Variants in CCAR1 observed in about 807,000 individuals in gnomAD.
CCAR1 encodes cell division cycle and apoptosis regulator 1.
A neutral mutation model predicts 163.8 loss-of-function variants in CCAR1; 78 were observed. The ratio of observed to expected loss-of-function variants is 0.48; its 90% CI spans 0.40 to 0.57. The LOEUF is 0.57. Among genes scored for constraint, CCAR1 ranks in the 20% least tolerant of loss-of-function variants. The probability of loss-of-function intolerance (pLI) is 0.00; values close to 1 mark genes in which losing one functional copy is unlikely to be tolerated. For synonymous variants in CCAR1, 443 were observed against 460.7 expected, an observed-to-expected ratio of 0.96 and a Z score of 0.49; for missense variants, 1,019 against 1,365.2, an observed-to-expected ratio of 0.75 and a Z score of 4.00.
chr10:68,761,202 C>T lies in CCAR1; in HGVS notation c.2106+10C>T. The T allele has an allele frequency of 3.2e-6, 5 of 1,542,496 alleles. No homozygotes were observed. The highest frequency in any genetic ancestry group is 2.6e-6 in the Non-Finnish European group (3 of 1,135,968). ...TGAAGACGATAAAGAGGTATGTACTCAATCTATTATTATACTCTATGGTAT... is the reference window on the plus strand; with the variant it reads ...TGAAGACGATAAAGAGGTATGTACTTAATCTATTATTATACTCTATGGTAT... On this transcript the variant is annotated intron_variant, in intron 16 of 24. Transcript: ENST00000265872.
chr10:68,766,091 A>G lies in CCAR1; in HGVS notation c.2298+12A>G. On this transcript the variant is annotated intron_variant, in intron 17 of 24. Coordinates refer to ENST00000265872, the MANE Select transcript of CCAR1 (RefSeq NM_018237.4). ...AACATTCATTTGAGGTAATGTTTTA[A>G]GTTTGAAATAAGATCCATATAAGGT... The G allele has an allele frequency of 6.5e-7, 1 of 1,541,932 alleles. No individual in the cohort carries two copies. Among genetic ancestry groups the G allele is most frequent in the South Asian group, 1.1e-5 (1 of 88,898 alleles).
chr10:68,772,218 C>T (rs746717705), intron 18 of CCAR1, among the ~76,000 whole-genome samples: 8 of 152,062 alleles, frequency 5.3e-5, no homozygotes, highest in Non-Finnish European at 1.2e-4. Flanking sequence ...CATAGTGGCT[C>T]GCTGCTATAA....
Position 68,756,630 on chromosome 10 carries a change from GT to G in CCAR1, c.1836+149del. ...TGGTAATCCAGCTTTCAGCAGTATA[GT>G]TGTATGTTCTTTTCTCTTAAAATTT... On this transcript the variant is annotated intron_variant, in intron 14 of 24. Transcript: ENST00000265872. This position sits in a 1 kb window ranked among gnomAD's most constrained non-coding sequence, Gnocchi z 5.1. 1 of 731,888 alleles carries G rather than the reference GT, an allele frequency of 1.4e-6. No homozygotes were observed. Among genetic ancestry groups the G allele is most frequent in the South Asian group, 1.5e-5 (1 of 67,294 alleles). 45.3% of individuals were successfully genotyped at this position (731,888 alleles called of 1,614,324 possible). A position where few individuals can be genotyped will look rare whatever the true frequency, so the allele number is the denominator to read the frequency against.
intron 4 of CCAR1, among the ~76,000 whole-genome samples, chr10:68,739,223 C>T (rs1419580331): frequency 1.3e-5 from 2 of 152,160 alleles, no homozygotes; most frequent in East Asian, 1.9e-4. Context: ...GATCTTGGCT[C>T]GCTGCAACCT....
intron 24 of CCAR1, 38 bp from the exon 25 acceptor site, chr10:68,791,169 T>A: frequency 8.2e-7 from 1 of 1,217,702 alleles, no homozygotes; most frequent in Non-Finnish European, 1.2e-6. Context: ...TAAGATAATC[T>A]AATAAAATGT....
chr10:68,759,060 A>G (rs1019926828), intron 15 of CCAR1, among the ~76,000 whole-genome samples: 8 of 152,108 alleles, frequency 5.3e-5, no homozygotes, highest in African/African-American at 1.7e-4. Context: ...CTTATTGTAT[A>G]TAAAAGTTAC....
chr10:68,755,568 G>A (rs774193397), intron 13 of CCAR1, 32 bp downstream of exon 13: 4 of 1,567,052 alleles, frequency 2.6e-6, no homozygotes, highest in East Asian at 4.5e-5. Context: ...GATTAGAAGT[G>A]TTTTACTGAT....
At chr10:68,721,465 C>T (rs1016732019) in intron 1 of CCAR1, 183 bp downstream of exon 1, 16 of 378,812 alleles carry the variant, frequency 4.2e-5, no homozygotes, top group Non-Finnish European at 6.2e-5. Flanking sequence ...CGGGTCGGAG[C>T]AGGCCCGGCG....
At chr10:68,766,656 A>T (rs943330702) in intron 17 of CCAR1, among the ~76,000 whole-genome samples, 1 of 151,344 alleles carries the variant, frequency 6.6e-6, no homozygotes, top group Non-Finnish European at 1.5e-5. Flanking sequence ...CCTCCCGAGT[A>T]GCTGAGATTA....
At chr10:68,754,536 C>T (rs935041707) in intron 11 of CCAR1, among the ~76,000 whole-genome samples, 178 bp from the exon 12 acceptor site, 5 of 152,190 alleles carry the variant, frequency 3.3e-5, no homozygotes, top group African/African-American at 9.6e-5. Flanking sequence ...TGGTGGCTCA[C>T]GCCTGTAATC....
chr10:68,722,377 ATTTC>A (rs2055871524), intron 1 of CCAR1, 74 bp from the exon 2 acceptor site: 1 of 790,904 alleles, frequency 1.3e-6, no homozygotes, highest in Non-Finnish European at 2.3e-6. Flanking sequence ...CACATTAAAC[ATTTC>A]TTTCTATTGT....
chr10:68,732,858 A>C lies in CCAR1; in HGVS notation c.74-4018A>C, dbSNP rs943316079. On this transcript the variant is annotated intron_variant, in intron 2 of 24. Transcript: ENST00000265872. ...AGAGGATTGCTTGAACCAGGAGTTC[A>C]AGGCTGCAGTGAGCTAAGATTGCAC... Among the ~76,000 whole-genome samples, 3 of 152,080 alleles carry C rather than the reference A, an allele frequency of 2.0e-5. No homozygotes were observed. The East Asian group carries it at 5.8e-4, about 29-fold the overall frequency.
chr10:68,772,442 C>T (rs1393571608), intron 18 of CCAR1, among the ~76,000 whole-genome samples: 1 of 151,210 alleles, frequency 6.6e-6, no homozygotes, highest in Non-Finnish European at 1.5e-5. Flanking sequence ...CAGATTGTGC[C>T]ACTGCACTCC....
At chr10:68,744,267 G>A (rs1307301507) in intron 6 of CCAR1, among the ~76,000 whole-genome samples, 2 of 152,206 alleles carry the variant, frequency 1.3e-5, no homozygotes, top group Non-Finnish European at 2.9e-5. Context: ...TGAGTGGGGT[G>A]TTGAAATCTA....
At chr10:68,742,287 A>T in intron 5 of CCAR1, 89 bp from the exon 6 acceptor site, 1 of 950,014 alleles carries the variant, frequency 1.1e-6, no homozygotes, top group Non-Finnish European at 1.6e-6. Context: ...TGAAATTTTT[A>T]ACATTCTGGG....
Position 68,751,926 on chromosome 10 carries a change from T to G in CCAR1, c.1119-1926T>G, listed in dbSNP as rs188902222. On this transcript the variant is annotated intron_variant, in intron 10 of 24. Transcript: ENST00000265872. The stretch of plus-strand genomic sequence containing the variant: ...AGTTTAGTTTTTTGTTTTTGTTTTT[T>G]TTTTTTTTGAGATGGAGTCTTGCTC... Among the ~76,000 whole-genome samples the G allele has an allele frequency of 5.4e-4, 76 of 140,314 alleles. No homozygotes were observed. In the Middle Eastern group the frequency reaches 0.01, roughly 19 times the overall value. 92.1% of individuals were successfully genotyped at this position (140,314 alleles called of 152,430 possible).
intron 6 of CCAR1, among the ~76,000 whole-genome samples, chr10:68,744,756 A>T (rs1272709406): frequency 1.3e-5 from 2 of 152,060 alleles, no homozygotes; most frequent in African/African-American, 2.4e-5. Context: ...GTAAATTATT[A>T]ATTTCACTTT....
intron 6 of CCAR1, among the ~76,000 whole-genome samples, chr10:68,743,334 T>A (rs970268034): frequency 2.0e-5 from 3 of 150,408 alleles, no homozygotes; most frequent in Admixed American, 6.6e-5. Context: ...CCTGGCTAAT[T>A]TTTGTATTTT....
chr10:68,736,749 C>A, intron 2 of CCAR1, 127 bp from the exon 3 acceptor site: 2 of 704,198 alleles, frequency 2.8e-6, no homozygotes, highest in Non-Finnish European at 4.6e-6. Context: ...GATTCCATAT[C>A]TTGACTATTG....
Sources: gnomAD v4.1 joint callset for allele counts (sites outside exome capture counted in the v4.1 genomes callset) on GRCh38, gnomAD v4.1.1 for gene constraint, Gnocchi (gnomAD v3.1) non-coding constraint, MANE v1.5 for transcripts, NCBI Gene and HGNC (gene_info 2026-07-23, HGNC 2026-07-21) for gene names.